ATRX: variants seen among roughly 807,000 people sequenced by gnomAD.
The protein encoded by ATRX is chromatin remodeler ATRX.
A neutral mutation model predicts 172.6 loss-of-function variants in ATRX; 12 were observed. The observed-to-expected ratio is 0.07, with a 90% CI of 0.04 to 0.11. ATRX has a LOEUF of 0.11. ATRX is among the 10% of genes least tolerant of loss of function. The pLI, the probability that ATRX is intolerant of heterozygous loss-of-function variation, is 1.00. For synonymous variants in ATRX, 674 were observed against 594.7 expected (o/e 1.13, Z -1.94); for missense variants, 1,368 against 1,767.4 (o/e 0.77, Z 4.05).
intron 1 of ATRX, among the ~76,000 whole-genome samples, chrX:77,783,971 ATAAACAGC>A (rs1557206613): frequency 8.9e-6 from 1 of 112,656 alleles, no homozygotes; most frequent in Non-Finnish European, 1.9e-5. Context: ...ATGTAACATT[ATAAACAGC>A]TACAAAATCA....
At chrX:77,653,405 T>A (rs957749775) in intron 14 of ATRX, among the ~76,000 whole-genome samples, 1 of 112,072 alleles carries the variant, frequency 8.9e-6, no homozygotes, top group African/African-American at 3.2e-5. Context: ...AAAACATGGA[T>A]GAACCTAGAA....
chrX:77,696,316 A>C (rs2072184067), intron 5 of ATRX, among the ~76,000 whole-genome samples: 1 of 112,031 alleles, frequency 8.9e-6, no homozygotes, highest in Admixed American at 9.5e-5. Context: ...TATAATTTGG[A>C]AACTAAAGCC....
chrX:77,624,299 G>A (rs782204012), intron 19 of ATRX, among the ~76,000 whole-genome samples: 9 of 111,091 alleles, frequency 8.1e-5, no homozygotes, highest in African/African-American at 2.6e-4. Context: ...CCCGGGAGGC[G>A]GAGCTTGCAG....
At chrX:77,514,248 CA>C (rs2062979223) in intron 34 of ATRX, among the ~76,000 whole-genome samples, 1 of 111,721 alleles carries the variant, frequency 9.0e-6, no homozygotes, top group Non-Finnish European at 1.9e-5. Context: ...ATAAACTAGA[CA>C]AAACTATTTT....
chrX:77,563,805 C>G (rs1308684176), intron 28 of ATRX, among the ~76,000 whole-genome samples: 1 of 108,934 alleles, frequency 9.2e-6, no homozygotes, highest in Non-Finnish European at 1.9e-5. Flanking sequence ...ATGTACTGTT[C>G]ACAAGCTGCA....
At position 77,786,048 on chromosome X, in the gene ATRX, A is replaced by G; in HGVS notation, c.-47T>C. 8.6e-7 allele frequency: 1 copy of G among 1,166,598 alleles called. No individual in the cohort carries two copies. Among genetic ancestry groups the G allele is most frequent in the Non-Finnish European group, 1.2e-6 (1 of 869,273 alleles). On this transcript the variant is annotated 5_prime_UTR_variant, in exon 1 of 35. Coordinates refer to ENST00000373344, the MANE Select transcript of ATRX (RefSeq NM_000489.6). The stretch of plus-strand genomic sequence containing the variant: ...CGGCTTCTGTGATTGCTGGGCGCCG[A>G]TCTGCGCTCCCCCGCGCCCGGTTAC...
chrX:77,682,231 A>C lies in ATRX; in HGVS notation c.3025T>G (p.Tyr1009Asp). 9.9e-6 allele frequency: 12 copies of C among 1,207,770 alleles called. No homozygotes were observed. Among genetic ancestry groups the C allele is most frequent in the Non-Finnish European group, 1.3e-5 (12 of 893,881 alleles). Residue 1009 changes from tyrosine (Y) to aspartate (D), a missense_variant, in exon 9 of 35, where the codon TAT (tyrosine) becomes GAT (aspartate). Transcript: ENST00000373344. ...KKKVIKMEQQ[Y>D]ESSSDGTEKL... is the part of the protein sequence containing the mutation. ...TCAGTGCCATCAGATGAAGATTCAT[A>C]CTGTTGTTCCATTTTAATTACTTTT...
intron 19 of ATRX, among the ~76,000 whole-genome samples, chrX:77,620,837 T>C (rs2067548349): frequency 8.9e-6 from 1 of 111,763 alleles, no homozygotes; most frequent in Non-Finnish European, 1.9e-5. Context: ...CCAACAGACA[T>C]AGCCTATTTT....
chrX:77,706,297 C>T (rs1190858685), intron 2 of ATRX, among the ~76,000 whole-genome samples: 4 of 110,287 alleles, frequency 3.6e-5, no homozygotes, highest in Non-Finnish European at 7.6e-5. Context: ...CCACTGATTT[C>T]TGACAAGGGT....
At chrX:77,643,900 A>G (rs1245125724) in intron 15 of ATRX, among the ~76,000 whole-genome samples, 1 of 110,608 alleles carries the variant, frequency 9.0e-6, no homozygotes, top group African/African-American at 3.3e-5. Flanking sequence ...CACCAGCACA[A>G]TCAATCTACA....
intron 22 of ATRX, among the ~76,000 whole-genome samples, chrX:77,607,021 T>A: frequency 9.0e-6 from 1 of 111,710 alleles, no homozygotes; most frequent in African/African-American, 3.3e-5. Context: ...TACCGACAGC[T>A]AGTATCATAC....
intron 34 of ATRX, among the ~76,000 whole-genome samples, chrX:77,515,951 A>G (rs2063039228): frequency 8.9e-6 from 1 of 111,836 alleles, no homozygotes; most frequent in African/African-American, 3.3e-5. Flanking sequence ...GGAGGCCATT[A>G]TCCTTAGCAA....
chrX:77,766,478 C>G (rs1290890031), intron 1 of ATRX, among the ~76,000 whole-genome samples: 1 of 103,840 alleles, frequency 9.6e-6, no homozygotes. Flanking sequence ...GCGGTTGCCA[C>G]GCAGAGGGTC....
In ATRX at chrX:77,651,217, CAAAAAAAAAAAAAAA is replaced by C. The variant is rs1170232589; in HGVS notation, c.4557+882_4557+896del. On this transcript the variant is annotated intron_variant, in intron 15 of 34. Transcript: ENST00000373344. ...GGGTGACAAGAGTGAAACTCCATCT[CAAAAAAAAAAAAAAA>C]AAAAAAAAAAAAAAAGATGAAACAA... Among the ~76,000 whole-genome samples, 38 of 16,482 alleles carry C rather than the reference CAAAAAAAAAAAAAAA, an allele frequency of 2.3e-3. No homozygotes were observed. In the South Asian group the frequency reaches 0.073, roughly 32 times the overall value. 14.3% of individuals were successfully genotyped at this position (16,482 alleles called of 115,157 possible). A position where few individuals can be genotyped will look rare whatever the true frequency, so the allele number is the denominator to read the frequency against.
intron 12 of ATRX, among the ~76,000 whole-genome samples, chrX:77,658,744 C>T (rs1324272370): frequency 9.0e-6 from 1 of 111,377 alleles, no homozygotes; most frequent in African/African-American, 3.3e-5. Flanking sequence ...ATTTGGCCCA[C>T]AGGTGCAGTT....
rs187785485 is a variant in ATRX, at chrX:77,548,592, T to G, written c.6699+8859A>C. Among the ~76,000 whole-genome samples, 540 of 112,242 alleles carry G rather than the reference T, an allele frequency of 4.8e-3. 2 individuals are homozygous for G. Among genetic ancestry groups the G allele is most frequent in the Non-Finnish European group, 6.6e-3 (352 of 53,202 alleles). ...TAAATGTGTTATTTTGAACCTTTAT[T>G]CTCAAAAGTAAATGTAGGCAGGTTA... On this transcript the variant is annotated intron_variant, in intron 30 of 34. Transcript: ENST00000373344.
intron 27 of ATRX, 62 bp downstream of exon 27, chrX:77,589,772 T>A: frequency 1.0e-6 from 1 of 1,002,424 alleles, no homozygotes; most frequent in African/African-American, 1.9e-5. Context: ...TGCTAAAATG[T>A]TTGTATGGTA....
At chrX:77,614,610 C>A (rs1557095730) in intron 22 of ATRX, among the ~76,000 whole-genome samples, 1 of 111,436 alleles carries the variant, frequency 9.0e-6, no homozygotes, top group East Asian at 2.8e-4. Flanking sequence ...ATTATTTTTA[C>A]ATATTTTGGG....
chrX:77,696,676 C>G lies in ATRX; in HGVS notation c.271G>C (p.Glu91Gln). The change falls in exon 5 of 35, where the codon GAA becomes CAA. Residue 91 changes from glutamate (E) to glutamine (Q), a missense_variant. Glu to Gln is a conservative substitution (Grantham distance 29, BLOSUM62 2). This residue lies in a region of ATRX where 84 missense variants were observed against 82.8 expected (regional missense o/e 1.01). Transcript: ENST00000373344. ...RKPSIVTKYV[E>Q]SDDEKPLDDE... ...TCCAAAGGTTTTTCATCATCTGATT[C>G]TACATACTTTGTTACAATTGAAGGT... is the stretch of plus-strand genomic sequence containing the variant. The G allele has an allele frequency of 8.3e-7, 1 of 1,198,157 alleles. No homozygotes were observed. The highest frequency in any genetic ancestry group is 3.0e-5 in the East Asian group (1 of 33,724).
Sources: gnomAD v4.1 joint callset for allele counts (sites outside exome capture counted in the v4.1 genomes callset) on GRCh38, gnomAD v4.1.1 for gene constraint, gnomAD v4.1.1 regional missense constraint, MANE v1.5 for transcripts, NCBI Gene and HGNC (gene_info 2026-07-23, HGNC 2026-07-21) for gene names.